KCNAB1: variants seen among roughly 807,000 people sequenced by gnomAD.
KCNAB1 encodes potassium voltage-gated channel subfamily A regulatory beta subunit 1.
Under a neutral mutation model 64.6 loss-of-function variants are expected in KCNAB1, and 35 were observed. The ratio of observed to expected loss-of-function variants is 0.54; its 90% CI spans 0.41 to 0.72. The LOEUF (loss-of-function observed/expected upper bound fraction) is 0.72, where lower values mean the gene tolerates loss of function less well. Among genes scored for constraint, KCNAB1 ranks in the 30% least tolerant of loss-of-function variants. The pLI is 0.00. For missense variants in KCNAB1, 401 were observed against 512.9 expected, an observed-to-expected ratio of 0.78 and a Z score of 2.11; for synonymous variants, 177 against 183.8, an observed-to-expected ratio of 0.96 and a Z score of 0.30.
At chr3:156,121,033 CA>C (rs1328246189) in intron 1 of KCNAB1, 147 bp downstream of exon 1, 1 of 951,210 alleles carries the variant, frequency 1.1e-6, no homozygotes, top group Non-Finnish European at 1.5e-6. Flanking sequence ...TGTGTAACCA[CA>C]AAGAGCAGGA....
rs111319529 is a variant in KCNAB1 at position 156,251,922 on chromosome 3, C to G, written c.275+131036C>G. Reference sequence around the variant, plus strand: ...TATCTGTCAAAGCTATGTCAGAGATCAAGTGCCTATAATTTTCAAGAAGTG... The same window carrying G: ...TATCTGTCAAAGCTATGTCAGAGATGAAGTGCCTATAATTTTCAAGAAGTG... On this transcript the variant is annotated intron_variant, in intron 1 of 13. Transcript: ENST00000490337. Among the ~76,000 whole-genome samples the G allele has an allele frequency of 7.9e-4, 121 of 152,318 alleles. 1 individual carries two copies. Among genetic ancestry groups the G allele is most frequent in the African/African-American group, 2.7e-3 (113 of 41,570 alleles).
chr3:156,380,638 G>T (rs927140299), intron 1 of KCNAB1, among the ~76,000 whole-genome samples: 1 of 152,180 alleles, frequency 6.6e-6, no homozygotes, highest in African/African-American at 2.4e-5. Context: ...ACTAAATTTG[G>T]TGAGGTTGGG....
rs573359418 is a variant in KCNAB1 at position 156,445,930 on chromosome 3, A to G, written c.320-6969A>G. 4 of 152,306 alleles carry G rather than the reference A, an allele frequency of 2.6e-5. No individual in the cohort carries two copies. In the East Asian group the frequency reaches 7.7e-4, roughly 29 times the overall value. The allele number at this position is 152,306 out of a possible 1,614,324, so 9.4% of individuals were successfully genotyped here. A position where few individuals can be genotyped will look rare whatever the true frequency, so the allele number is the denominator to read the frequency against. On this transcript the variant is annotated intron_variant, in intron 2 of 13. Transcript: ENST00000490337. The stretch of plus-strand genomic sequence containing the variant: ...GCTCAAGGTTCCTAATTTTGTGCAT[A>G]AGGAAACAAGAAATCAAGAGATTGG...
chr3:156,478,740 T>G (rs1218968799), intron 8 of KCNAB1, among the ~76,000 whole-genome samples: 1 of 152,186 alleles, frequency 6.6e-6, no homozygotes, highest in African/African-American at 2.4e-5. Flanking sequence ...ACGAGCTTCA[T>G]CCAGTTTCTA....
chr3:156,283,372 G>A (rs1332703593), intron 1 of KCNAB1, among the ~76,000 whole-genome samples: 3 of 150,936 alleles, frequency 2.0e-5, no homozygotes, highest in South Asian at 4.2e-4. Flanking sequence ...AGGGTAACCC[G>A]ACCCTTCTCT....
chr3:156,378,336 G>C (rs1711869609), intron 1 of KCNAB1, among the ~76,000 whole-genome samples: 1 of 152,040 alleles, frequency 6.6e-6, no homozygotes, highest in African/African-American at 2.4e-5. Flanking sequence ...GAGCTTCTCT[G>C]ACCCTTACAG....
chr3:156,462,181 G>A (rs932338447), intron 5 of KCNAB1, among the ~76,000 whole-genome samples: 3 of 152,192 alleles, frequency 2.0e-5, no homozygotes, highest in Non-Finnish European at 4.4e-5. Context: ...TAGCCTCTGT[G>A]GGAGTCAGTG....
intron 1 of KCNAB1, among the ~76,000 whole-genome samples, chr3:156,343,979 G>C (rs1258225302): frequency 6.6e-6 from 1 of 152,082 alleles, no homozygotes; most frequent in African/African-American, 2.4e-5. Flanking sequence ...TTCCTATTCA[G>C]TAATTTGCTA....
chr3:156,213,677 G>T (rs1482405108), intron 1 of KCNAB1, among the ~76,000 whole-genome samples: 1 of 152,196 alleles, frequency 6.6e-6, no homozygotes, highest in Non-Finnish European at 1.5e-5. Context: ...CTTGTCATCT[G>T]CCTTTGTTTT....
chr3:156,196,551 A>G (rs1713962999), intron 1 of KCNAB1, among the ~76,000 whole-genome samples: 1 of 151,826 alleles, frequency 6.6e-6, no homozygotes, highest in African/African-American at 2.4e-5. Context: ...ATTCTTAGGT[A>G]TTTTATTTTC....
chr3:156,272,199 C>T (rs577578954), intron 1 of KCNAB1, among the ~76,000 whole-genome samples: 2 of 152,242 alleles, frequency 1.3e-5, no homozygotes, highest in Non-Finnish European at 2.9e-5. Flanking sequence ...GCTGTAATCA[C>T]TAACTGGCTA....
At chr3:156,137,897 C>T (rs2108274295) in intron 1 of KCNAB1, among the ~76,000 whole-genome samples, 1 of 152,180 alleles carries the variant, frequency 6.6e-6, no homozygotes, top group African/African-American at 2.4e-5. Context: ...ACTCCTCCCA[C>T]CCTTTACCTT....
At chr3:156,118,494 C>G (rs1385389236), upstream of KCNAB1, among the ~76,000 whole-genome samples, 1 of 152,234 alleles carries the variant, frequency 6.6e-6, no homozygotes, top group Non-Finnish European at 1.5e-5. Flanking sequence ...GGCTGAGAAA[C>G]AGGCCCCACC....
At chr3:156,535,029 C>T (rs1718959609) in intron 13 of KCNAB1, among the ~76,000 whole-genome samples, 1 of 151,684 alleles carries the variant, frequency 6.6e-6, no homozygotes. Context: ...AAAAAAAATC[C>T]AACAAATCCA....
intron 1 of KCNAB1, among the ~76,000 whole-genome samples, chr3:156,232,620 A>G (rs767386008): frequency 6.6e-6 from 1 of 152,270 alleles, no homozygotes; most frequent in Non-Finnish European, 1.5e-5. Flanking sequence ...TACTCTTCCT[A>G]TCTTTGTGGA....
intron 1 of KCNAB1, among the ~76,000 whole-genome samples, chr3:156,196,003 A>T (rs1253976915): frequency 6.6e-6 from 1 of 152,142 alleles, no homozygotes; most frequent in African/African-American, 2.4e-5. Flanking sequence ...TTTTCTGCAT[A>T]TGGCTAGCCA....
intron 1 of KCNAB1, among the ~76,000 whole-genome samples, chr3:156,165,292 A>AG (rs1183961213): frequency 2.6e-5 from 4 of 151,010 alleles, no homozygotes; most frequent in Admixed American, 2.6e-4. Context: ...AAAAAAAAAA[A>AG]AAAAAAAAAA....
intron 1 of KCNAB1, among the ~76,000 whole-genome samples, chr3:156,302,397 C>CA (rs1721212831): frequency 6.6e-6 from 1 of 151,966 alleles, no homozygotes; most frequent in African/African-American, 2.4e-5. Context: ...CCATATCATG[C>CA]AAAAAATGTT....
At position 156,526,677 on chromosome 3, in the gene KCNAB1, C is replaced by T. The variant is rs114071932; in HGVS notation, c.1081+2730C>T. 9.5e-3 allele frequency among the ~76,000 whole-genome samples: 1,441 copies of T among 152,290 alleles called. 38 individuals are homozygous for T. The highest frequency in any genetic ancestry group is 0.05 in the East Asian group (257 of 5,178). ...TTCTATAGTAAGCACCTCAGGCTCA[C>T]TCTCACTGTCTTGTCTCCTTCATCA... On this transcript the variant is annotated intron_variant, in intron 12 of 13. Coordinates refer to ENST00000490337, the MANE Select transcript of KCNAB1 (RefSeq NM_172160.3).
Sources: allele counts gnomAD v4.1 joint callset (sites outside exome capture counted in the v4.1 genomes callset), GRCh38; gene constraint gnomAD v4.1.1; transcripts MANE v1.5; gene names NCBI Gene and HGNC (gene_info 2026-07-23, HGNC 2026-07-21).